Variants in CADM1 observed in about 807,000 individuals in gnomAD.
The protein encoded by CADM1 is cell adhesion molecule 1.
A neutral mutation model predicts 53.1 loss-of-function variants in CADM1; 15 were observed. That is an observed-to-expected ratio of 0.28 (90% confidence interval 0.19 to 0.44). CADM1 has a LOEUF of 0.44. CADM1 is among the 20% of genes least tolerant of loss of function. CADM1 has a pLI of 1.00. For missense variants in CADM1, 434 were observed against 611.3 expected (o/e 0.71, Z 3.06); for synonymous variants, 281 against 243.0 (o/e 1.16, Z -1.45).
chr11:115,275,926 C>T (rs554230739), intron 1 of CADM1, among the ~76,000 whole-genome samples: 1 of 152,188 alleles, frequency 6.6e-6, no homozygotes, highest in South Asian at 2.1e-4. Context: ...ACAGAACATC[C>T]AGGAAACACA....
chr11:115,493,854 T>G (rs1949551506), intron 1 of CADM1, among the ~76,000 whole-genome samples: 2 of 152,024 alleles, frequency 1.3e-5, no homozygotes, highest in Admixed American at 1.3e-4. Context: ...AAAAACTCCT[T>G]AAAGAAAAAA....
intron 1 of CADM1, among the ~76,000 whole-genome samples, chr11:115,246,810 T>G (rs1400609987): frequency 6.6e-6 from 1 of 152,248 alleles, no homozygotes; most frequent in Non-Finnish European, 1.5e-5. Flanking sequence ...CAAAAGAATC[T>G]TCTGCTATAT....
In CADM1 at chr11:115,310,827, T is replaced by C. The variant is rs574816532; in HGVS notation, c.125-70407A>G. On this transcript the variant is annotated intron_variant, in intron 1 of 11. Transcript: ENST00000331581. ...AAAGGTTAGCAGAGAAATGCTTAAATACATTTCAGTGTCTGACCCAGAAAT... is the reference window on the plus strand; with the variant it reads ...AAAGGTTAGCAGAGAAATGCTTAAACACATTTCAGTGTCTGACCCAGAAAT... Among the ~76,000 whole-genome samples the C allele has an allele frequency of 2.6e-5, 4 of 152,276 alleles. No homozygotes were observed. In the South Asian group the frequency reaches 8.3e-4, roughly 32 times the overall value.
chr11:115,286,467 T>C (rs1372647158), intron 1 of CADM1, among the ~76,000 whole-genome samples: 1 of 152,178 alleles, frequency 6.6e-6, no homozygotes, highest in Non-Finnish European at 1.5e-5. Flanking sequence ...ACTATATGCA[T>C]TTTCAAAGGA....
intron 1 of CADM1, among the ~76,000 whole-genome samples, chr11:115,329,279 T>C (rs1945068816): frequency 1.3e-5 from 2 of 152,132 alleles, no homozygotes; most frequent in Admixed American, 1.3e-4. Context: ...AACTGAAAAA[T>C]GTCCCTCCAA....
At chr11:115,473,004 A>G (rs1379733598) in intron 1 of CADM1, among the ~76,000 whole-genome samples, 2 of 152,220 alleles carry the variant, frequency 1.3e-5, no homozygotes, top group Non-Finnish European at 2.9e-5. Flanking sequence ...CAAAATAACT[A>G]AGGTAAGAAC....
At chr11:115,253,084 T>TAAAC (rs970889604) in intron 1 of CADM1, among the ~76,000 whole-genome samples, 2 of 152,136 alleles carry the variant, frequency 1.3e-5, no homozygotes, top group Admixed American at 6.5e-5. Context: ...CTGATAAGGT[T>TAAAC]AAACAAACAA....
At chr11:115,477,012 T>C (rs1031676337) in intron 1 of CADM1, among the ~76,000 whole-genome samples, 4 of 151,688 alleles carry the variant, frequency 2.6e-5, no homozygotes, top group African/African-American at 9.7e-5. Context: ...AGCATTTCTT[T>C]AAAAAAAAGA....
At chr11:115,258,547 G>A (rs1188789854) in intron 1 of CADM1, among the ~76,000 whole-genome samples, 1 of 152,200 alleles carries the variant, frequency 6.6e-6, no homozygotes, top group Non-Finnish European at 1.5e-5. Flanking sequence ...AGCTTTGTTG[G>A]ATCTCAACTG....
chr11:115,318,480 A>G (rs1944734183), intron 1 of CADM1, among the ~76,000 whole-genome samples: 1 of 152,192 alleles, frequency 6.6e-6, no homozygotes, highest in African/African-American at 2.4e-5. Flanking sequence ...GGGAATAGTG[A>G]ATTTTCAGTG....
At chr11:115,294,125 T>C (rs1943983200) in intron 1 of CADM1, among the ~76,000 whole-genome samples, 1 of 152,180 alleles carries the variant, frequency 6.6e-6, no homozygotes, top group African/African-American at 2.4e-5. Flanking sequence ...CTCAGATGGC[T>C]ACTGGCCAGG....
At chr11:115,206,706 G>A (rs886632515) in intron 8 of CADM1, among the ~76,000 whole-genome samples, 1 of 130,364 alleles carries the variant, frequency 7.7e-6, no homozygotes, top group African/African-American at 2.8e-5. Flanking sequence ...TAGGGAATGG[G>A]TTTCAGTTAT....
chr11:115,188,431 C>A (rs1229027636), intron 10 of CADM1, among the ~76,000 whole-genome samples: 3 of 152,164 alleles, frequency 2.0e-5, no homozygotes, highest in Non-Finnish European at 2.9e-5. Context: ...ATCAGCTGGG[C>A]AACTTGCTTT....
At chr11:115,366,548 C>G (rs1316835699) in intron 1 of CADM1, among the ~76,000 whole-genome samples, 1 of 152,124 alleles carries the variant, frequency 6.6e-6, no homozygotes, top group East Asian at 1.9e-4. Flanking sequence ...TTCCTTTCTT[C>G]CACTCATCAC....
rs574247341 is a variant in CADM1 at position 115,272,995 on chromosome 11, C to G, written c.125-32575G>C. ...AACTTCTGCTCATTGGTAGGCTGAT[C>G]AGAGGCCGTCAATGTCAGGGCAGGT... On this transcript the variant is annotated intron_variant, in intron 1 of 11. Coordinates refer to ENST00000331581, the MANE Select transcript of CADM1 (RefSeq NM_001301043.2). 2.6e-5 allele frequency among the ~76,000 whole-genome samples: 4 copies of G among 152,260 alleles called. No individual in the cohort carries two copies. In the East Asian group the frequency reaches 7.7e-4, roughly 29 times the overall value.
chr11:115,262,924 C>A (rs2135021966), intron 1 of CADM1, among the ~76,000 whole-genome samples: 1 of 152,258 alleles, frequency 6.6e-6, no homozygotes, highest in South Asian at 2.1e-4. Flanking sequence ...TCTTATTTAG[C>A]TGTGGTACAG....
chr11:115,369,671 C>T (rs1049109740), intron 1 of CADM1, among the ~76,000 whole-genome samples: 2 of 152,124 alleles, frequency 1.3e-5, no homozygotes, highest in African/African-American at 4.8e-5. Flanking sequence ...TTTGCAATCA[C>T]CTAATATTAA....
At chr11:115,432,330 T>C (rs2135299450) in intron 1 of CADM1, among the ~76,000 whole-genome samples, 1 of 152,208 alleles carries the variant, frequency 6.6e-6, no homozygotes, top group African/African-American at 2.4e-5. Context: ...TTTCTCCCCA[T>C]CCCACAAGTC....
At chr11:115,444,904 T>C (rs1591247953) in intron 1 of CADM1, among the ~76,000 whole-genome samples, 1 of 152,284 alleles carries the variant, frequency 6.6e-6, no homozygotes, top group East Asian at 1.9e-4. Flanking sequence ...AGCTAAAGTT[T>C]GTTGTTGCTG....
Sources: gnomAD v4.1 joint callset for allele counts (sites outside exome capture counted in the v4.1 genomes callset) on GRCh38, gnomAD v4.1.1 for gene constraint, MANE v1.5 for transcripts, NCBI Gene and HGNC (gene_info 2026-07-23, HGNC 2026-07-21) for gene names.